SPAG17: variants seen among roughly 807,000 people sequenced by gnomAD.
SPAG17 encodes the protein sperm-associated antigen 17.
In SPAG17, 169 loss-of-function variants were observed where a neutral mutation model predicts 273.6. The ratio of observed to expected loss-of-function variants is 0.62; its 90% CI spans 0.55 to 0.70. SPAG17 has a LOEUF of 0.70. Among genes scored for constraint, SPAG17 ranks in the 30% least tolerant of loss-of-function variants. SPAG17 has a pLI of 0.00. For missense variants in SPAG17, 2,557 were observed against 2,627.8 expected (o/e 0.97, Z 0.59); for synonymous variants, 825 against 873.2 (o/e 0.94, Z 0.97).
At chr1:118,169,925 T>C (rs1352602329) in intron 1 of SPAG17, among the ~76,000 whole-genome samples, 1 of 152,048 alleles carries the variant, frequency 6.6e-6, no homozygotes, top group Non-Finnish European at 1.5e-5. Context: ...CAACTAGAAG[T>C]ATAATAAGAA....
At chr1:118,010,906 T>G (rs1424132603) in intron 30 of SPAG17, among the ~76,000 whole-genome samples, 1 of 152,006 alleles carries the variant, frequency 6.6e-6, no homozygotes, top group Non-Finnish European at 1.5e-5. Context: ...CATTAAAAAG[T>G]GGGCAAAAAA....
intron 1 of SPAG17, among the ~76,000 whole-genome samples, chr1:118,180,559 C>T (rs1660893902): frequency 6.6e-6 from 1 of 151,820 alleles, no homozygotes; most frequent in African/African-American, 2.4e-5. Flanking sequence ...AATAATCTAT[C>T]ATATATTTCA....
chr1:117,988,322 T>C (rs551303868), intron 38 of SPAG17, 118 bp from the exon 39 acceptor site: 8 of 632,610 alleles, frequency 1.3e-5, no homozygotes, highest in South Asian at 1.1e-4. Flanking sequence ...ATCTATCAAG[T>C]GTTTACTAGG....
intron 24 of SPAG17, 65 bp from the exon 25 acceptor site, chr1:118,031,932 A>T: frequency 7.6e-7 from 1 of 1,307,514 alleles, no homozygotes; most frequent in Non-Finnish European, 1.0e-6. Flanking sequence ...TTGTGAAATA[A>T]CATTTACAAC....
At chr1:117,975,248 A>C (rs1201431432) in intron 43 of SPAG17, among the ~76,000 whole-genome samples, 1 of 152,174 alleles carries the variant, frequency 6.6e-6, no homozygotes, top group African/African-American at 2.4e-5. Context: ...GCATTCAGAC[A>C]CAAATACTCT....
chr1:118,044,498 A>G (rs992129310), intron 20 of SPAG17, among the ~76,000 whole-genome samples: 3 of 152,134 alleles, frequency 2.0e-5, no homozygotes, highest in Non-Finnish European at 4.4e-5. Flanking sequence ...AAAAAAAAAG[A>G]TAAACTGTCC....
intron 7 of SPAG17, among the ~76,000 whole-genome samples, chr1:118,097,166 C>T (rs1655761289): frequency 1.3e-5 from 2 of 150,090 alleles, no homozygotes; most frequent in East Asian, 2.0e-4. Flanking sequence ...ACTCAGGAGG[C>T]GGAGGTTGCA....
At position 117,971,879 on chromosome 1, in the gene SPAG17, C is replaced by T; in HGVS notation, c.6310G>A (p.Gly2104Arg). ...YATVVKLKNV[G>R]VDFCRFKVKQ... is the part of the protein sequence containing the mutation. Reference sequence around the variant, plus strand: ...TGGCCTCACCTGCAGAAGTCCACTCCAACATTCTTGAGCTTTACAACTGTG... The same window carrying T: ...TGGCCTCACCTGCAGAAGTCCACTCTAACATTCTTGAGCTTTACAACTGTG... The change falls in exon 45 of 49, where the codon GGA becomes AGA. Residue 2104 changes from glycine (G) to arginine (R), a missense_variant. By Grantham distance (125) the Gly-to-Arg change is moderately radical. Transcript: ENST00000336338. 4 of 1,613,232 alleles carry T rather than the reference C, an allele frequency of 2.5e-6. No individual in the cohort carries two copies. The highest frequency in any genetic ancestry group is 3.4e-6 in the Non-Finnish European group (4 of 1,179,590).
intron 7 of SPAG17, among the ~76,000 whole-genome samples, chr1:118,094,674 T>A (rs1404881275): frequency 6.6e-6 from 1 of 152,192 alleles, no homozygotes; most frequent in African/African-American, 2.4e-5. Context: ...TATTAAATGA[T>A]CTTGTTTAAA....
At chr1:118,065,590 A>G (rs1347193807) in intron 18 of SPAG17, among the ~76,000 whole-genome samples, 1 of 152,166 alleles carries the variant, frequency 6.6e-6, no homozygotes, top group Non-Finnish European at 1.5e-5. Flanking sequence ...TGTGGCAATT[A>G]TAAAGAAGAT....
intron 13 of SPAG17, among the ~76,000 whole-genome samples, chr1:118,084,232 T>C (rs752895026): frequency 6.6e-6 from 1 of 152,102 alleles, no homozygotes; most frequent in Non-Finnish European, 1.5e-5. Flanking sequence ...CAGGAGTCAA[T>C]GGTAGGACTC....
intron 30 of SPAG17, among the ~76,000 whole-genome samples, chr1:118,011,291 G>C (rs1182415363): frequency 6.6e-6 from 1 of 152,104 alleles, no homozygotes; most frequent in Non-Finnish European, 1.5e-5. Context: ...CTGTAGCACT[G>C]TTCACAATAG....
intron 3 of SPAG17, among the ~76,000 whole-genome samples, chr1:118,149,124 C>T (rs904680622): frequency 1.3e-5 from 2 of 152,182 alleles, no homozygotes; most frequent in East Asian, 1.9e-4. Flanking sequence ...TGTATGTGAG[C>T]GAGTGTGGGA....
At chr1:118,101,989 GC>G in intron 4 of SPAG17, 63 bp from the exon 5 acceptor site, 1 of 1,343,014 alleles carries the variant, frequency 7.4e-7, no homozygotes, top group Non-Finnish European at 1.0e-6. Context: ...CTTTTCTACT[GC>G]CAGGTGAATT....
chr1:118,011,949 C>T (rs1314842936), intron 30 of SPAG17, among the ~76,000 whole-genome samples: 1 of 151,820 alleles, frequency 6.6e-6, no homozygotes, highest in African/African-American at 2.4e-5. Flanking sequence ...TATTTCATCA[C>T]ATCATATTAT....
In SPAG17 at chr1:118,099,749, T is replaced by C. The variant is rs1201864168; in HGVS notation, c.686A>G (p.Asn229Ser). ...CATAATTGCTAATAGCTGAGGATTGTTAAAGCCCACAACTATAATGTAATG... is the reference window on the plus strand; with the variant it reads ...CATAATTGCTAATAGCTGAGGATTGCTAAAGCCCACAACTATAATGTAATG... ...AQHYIIVVGF[N>S]NPQLLAIMAE... Residue 229 changes from asparagine to serine, a missense_variant, in exon 6 of 49, where the codon AAC (asparagine) becomes AGC (serine). Coordinates refer to ENST00000336338, the MANE Select transcript of SPAG17 (RefSeq NM_206996.4). The C allele has an allele frequency of 3.1e-6, 5 of 1,613,444 alleles. No homozygotes were observed. The highest frequency in any genetic ancestry group is 4.2e-6 in the Non-Finnish European group (5 of 1,179,920).
chr1:118,085,912 ATG>A lies in SPAG17; in HGVS notation c.1762+8_1762+9del. 1 of 1,591,766 alleles carries A rather than the reference ATG, an allele frequency of 6.3e-7. No homozygotes were observed. On this transcript the variant is annotated splice_region_variant and intron_variant, in intron 13 of 48. Coordinates refer to ENST00000336338, the MANE Select transcript of SPAG17 (RefSeq NM_206996.4). Reference sequence around the variant, plus strand: ...ATTGAGTTTAAGCTAAGACAAAGCAATGGACTCACCACTCGTACAAAAGTGCA... The same window carrying A: ...ATTGAGTTTAAGCTAAGACAAAGCAAGACTCACCACTCGTACAAAAGTGCA...
chr1:118,014,495 C>A (rs542532892), intron 29 of SPAG17, among the ~76,000 whole-genome samples: 1 of 152,036 alleles, frequency 6.6e-6, no homozygotes, highest in Admixed American at 6.6e-5. Context: ...TAAAAAACCT[C>A]GGGAAACAAA....
chr1:118,127,410 G>A (rs990069535), intron 3 of SPAG17, among the ~76,000 whole-genome samples: 4 of 152,124 alleles, frequency 2.6e-5, no homozygotes, highest in Non-Finnish European at 5.9e-5. Flanking sequence ...GTGAAGGCAG[G>A]AGCAAGATGG....
Sources: gnomAD v4.1 joint callset for allele counts (sites outside exome capture counted in the v4.1 genomes callset) on GRCh38, gnomAD v4.1.1 for gene constraint, MANE v1.5 for transcripts, NCBI Gene and HGNC (gene_info 2026-07-23, HGNC 2026-07-21) for gene names.